The following SGCZ variants were observed in gnomAD, a reference collection of about 807,000 sequenced individuals.
SGCZ encodes the protein zeta-sarcoglycan.
A neutral mutation model predicts 41.3 loss-of-function variants in SGCZ; 40 were observed. The ratio of observed to expected loss-of-function variants is 0.97; its 90% CI spans 0.75 to 1.26. The LOEUF (loss-of-function observed/expected upper bound fraction) is 1.26, where lower values mean the gene tolerates loss of function less well. Ranked by LOEUF, SGCZ falls within the 50% of genes most tolerant of loss-of-function variation. The pLI, the probability that SGCZ is intolerant of heterozygous loss-of-function variation, is 0.00. For missense variants in SGCZ, 552 were observed against 369.8 expected (o/e 1.49, Z -4.04); for synonymous variants, 206 against 137.5 (o/e 1.50, Z -3.49).
chr8:14,589,780 T>C (rs999494252), intron 1 of SGCZ, among the ~76,000 whole-genome samples: 1 of 152,198 alleles, frequency 6.6e-6, no homozygotes, highest in Non-Finnish European at 1.5e-5. Flanking sequence ...GAGATGTATA[T>C]GGATAAATCT....
chr8:14,261,068 G>C (rs1340513127), intron 3 of SGCZ, among the ~76,000 whole-genome samples: 1 of 151,688 alleles, frequency 6.6e-6, no homozygotes, highest in Non-Finnish European at 1.5e-5. Context: ...TGCCCAATGT[G>C]CACATGTACC....
intron 2 of SGCZ, among the ~76,000 whole-genome samples, chr8:14,352,605 A>G (rs1200178792): frequency 6.6e-6 from 1 of 152,084 alleles, no homozygotes; most frequent in Non-Finnish European, 1.5e-5. Context: ...AGAGAAGTAG[A>G]CCTACGTGTC....
intron 2 of SGCZ, among the ~76,000 whole-genome samples, chr8:14,357,371 T>C (rs1036712564): frequency 6.6e-6 from 1 of 152,216 alleles, no homozygotes; most frequent in Non-Finnish European, 1.5e-5. Flanking sequence ...ATATATTCCA[T>C]GTTATTTTTG....
intron 1 of SGCZ, among the ~76,000 whole-genome samples, chr8:15,162,722 T>C (rs914951523): frequency 6.6e-6 from 1 of 152,252 alleles, no homozygotes; most frequent in Non-Finnish European, 1.5e-5. Flanking sequence ...ACCATGTCTA[T>C]GTTTTTCTCT....
intron 1 of SGCZ, among the ~76,000 whole-genome samples, chr8:14,953,270 C>T (rs2130839207): frequency 6.6e-6 from 1 of 152,188 alleles, no homozygotes. Flanking sequence ...CTTCCCATGG[C>T]AGAGCAGATG....
At chr8:14,582,860 AGTAT>A (rs2117263903) in intron 1 of SGCZ, among the ~76,000 whole-genome samples, 1 of 151,622 alleles carries the variant, frequency 6.6e-6, no homozygotes, top group East Asian at 1.9e-4. Flanking sequence ...GTGGCTGCAT[AGTAT>A]TCCATGGTGT....
chr8:15,063,675 C>T (rs1017364198), intron 1 of SGCZ, among the ~76,000 whole-genome samples: 1 of 152,154 alleles, frequency 6.6e-6, no homozygotes, highest in Non-Finnish European at 1.5e-5. Context: ...ATTATTTTTA[C>T]ACCCATAGTG....
At chr8:14,557,472 T>A (rs1220019238) in intron 1 of SGCZ, among the ~76,000 whole-genome samples, 1 of 152,144 alleles carries the variant, frequency 6.6e-6, no homozygotes, top group African/African-American at 2.4e-5. Context: ...CATTTGCTTT[T>A]GGGCTCTTAG....
chr8:14,416,820 C>T (rs1197023066), intron 2 of SGCZ, among the ~76,000 whole-genome samples: 2 of 151,812 alleles, frequency 1.3e-5, no homozygotes, highest in Non-Finnish European at 2.9e-5. Context: ...GAGCAATATA[C>T]ATCTCACAGT....
At chr8:14,534,732 T>A (rs933866081) in intron 2 of SGCZ, among the ~76,000 whole-genome samples, 11 of 151,962 alleles carry the variant, frequency 7.2e-5, no homozygotes, top group African/African-American at 2.7e-4. Flanking sequence ...AAGTATAAAC[T>A]CATTGAAAGA....
chr8:15,043,294 T>A (rs1266385272), intron 1 of SGCZ, among the ~76,000 whole-genome samples: 1 of 152,160 alleles, frequency 6.6e-6, no homozygotes, highest in Non-Finnish European at 1.5e-5. Context: ...AGTGACAACA[T>A]TGGTTTGACA....
intron 1 of SGCZ, among the ~76,000 whole-genome samples, chr8:15,186,373 C>G (rs998458281): frequency 6.6e-6 from 1 of 150,694 alleles, no homozygotes; most frequent in African/African-American, 2.4e-5. Context: ...AATACTGGCT[C>G]CAGTCGGGTA....
At chr8:14,925,670 T>C (rs1274598052) in intron 1 of SGCZ, among the ~76,000 whole-genome samples, 1 of 152,188 alleles carries the variant, frequency 6.6e-6, no homozygotes, top group East Asian at 1.9e-4. Flanking sequence ...CTATGCCAGA[T>C]CCAGTGTGGC....
intron 1 of SGCZ, among the ~76,000 whole-genome samples, chr8:14,597,989 T>C (rs1037624367): frequency 9.9e-5 from 15 of 152,190 alleles, no homozygotes; most frequent in African/African-American, 3.4e-4. Flanking sequence ...GAAAAATACA[T>C]ATGAACAAAA....
At chr8:14,625,156 C>T (rs7004259) in intron 1 of SGCZ, among the ~76,000 whole-genome samples, 58,606 of 151,720 alleles carry the variant, frequency 0.39, 11,547 homozygotes, top group East Asian at 0.69. Flanking sequence ...AATTTGCTCA[C>T]TGTGTTCAGT....
intron 2 of SGCZ, among the ~76,000 whole-genome samples, chr8:14,553,008 A>G (rs1220865299): frequency 6.6e-6 from 1 of 151,994 alleles, no homozygotes; most frequent in Non-Finnish European, 1.5e-5. Flanking sequence ...TACCTCTTTT[A>G]TAATATTAAT....
chr8:14,153,364 T>G (rs959374621), intron 5 of SGCZ, among the ~76,000 whole-genome samples: 3 of 152,158 alleles, frequency 2.0e-5, no homozygotes, highest in Non-Finnish European at 4.4e-5. Context: ...AAGTTTTGAC[T>G]TTGTCAAAGA....
At chr8:14,164,817 T>C in intron 4 of SGCZ, 115 bp from the exon 5 acceptor site, 1 of 1,281,270 alleles carries the variant, frequency 7.8e-7, no homozygotes, top group Non-Finnish European at 1.1e-6. Flanking sequence ...ATCTCTGCTG[T>C]ATGTTTTGCA....
chr8:15,097,855 TAC>T (rs1563123979), intron 1 of SGCZ, among the ~76,000 whole-genome samples: 1 of 9,566 alleles, frequency 1.0e-4, no homozygotes, highest in Non-Finnish European at 3.8e-4. Context: ...TATATATATA[TAC>T]GTGTGTGTGT....
Sources: allele counts gnomAD v4.1 joint callset (sites outside exome capture counted in the v4.1 genomes callset), GRCh38; gene constraint gnomAD v4.1.1; transcripts MANE v1.5; gene names NCBI Gene and HGNC (gene_info 2026-07-23, HGNC 2026-07-21).